Variants in DTNA observed in about 807,000 individuals in gnomAD.
DTNA encodes dystrobrevin alpha, also known as dystrophin-related protein 3.
In DTNA, 43 loss-of-function variants were observed where a neutral mutation model predicts 100.7. The observed-to-expected ratio is 0.43, with a 90% CI of 0.33 to 0.55. The LOEUF (loss-of-function observed/expected upper bound fraction) is 0.55, where lower values mean the gene tolerates loss of function less well. DTNA is among the 20% of genes least tolerant of loss of function. DTNA has a pLI of 0.04. For synonymous variants in DTNA, 349 were observed against 347.9 expected, an observed-to-expected ratio of 1.00 and a Z score of -0.04; for missense variants, 798 against 953.9, an observed-to-expected ratio of 0.84 and a Z score of 2.15.
chr18:34,866,046 A>G, intron 17 of DTNA: 2 of 1,585,288 alleles, frequency 1.3e-6, no homozygotes. Context: ...GTTCCTTCAC[A>G]CTGTGTACAT....
intron 17 of DTNA, among the ~76,000 whole-genome samples, chr18:34,874,769 G>T (rs2096798882): frequency 6.6e-6 from 1 of 152,194 alleles, no homozygotes; most frequent in African/African-American, 2.4e-5. Flanking sequence ...GCACAATATT[G>T]TATGACATGA....
chr18:34,671,697 T>A (rs996744081), intron 1 of DTNA, among the ~76,000 whole-genome samples: 1 of 152,182 alleles, frequency 6.6e-6, no homozygotes, highest in African/African-American at 2.4e-5. Context: ...TCTTTTTTTA[T>A]TTTGCCTTTT....
intron 1 of DTNA, among the ~76,000 whole-genome samples, chr18:34,511,264 A>T (rs2041057300): frequency 6.6e-6 from 1 of 152,106 alleles, no homozygotes; most frequent in Non-Finnish European, 1.5e-5. Flanking sequence ...AAAAATGGTG[A>T]ATATATACTT....
intron 1 of DTNA, among the ~76,000 whole-genome samples, chr18:34,545,081 G>T (rs867133774): frequency 2.0e-5 from 3 of 152,124 alleles, no homozygotes; most frequent in South Asian, 2.1e-4. Flanking sequence ...TCACCGGAGA[G>T]AGACTGATGT....
intron 1 of DTNA, among the ~76,000 whole-genome samples, chr18:34,578,762 C>T (rs974211907): frequency 1.3e-5 from 2 of 152,026 alleles, no homozygotes; most frequent in Non-Finnish European, 1.5e-5. Flanking sequence ...GCTTTGTCAA[C>T]GATCAGTTGG....
At chr18:34,676,852 A>G (rs1282513168) in intron 1 of DTNA, among the ~76,000 whole-genome samples, 2 of 152,162 alleles carry the variant, frequency 1.3e-5, no homozygotes, top group Non-Finnish European at 2.9e-5. Flanking sequence ...GAGGGAGAGA[A>G]TGGAGAAAGG....
chr18:34,856,815 A>G (rs1246475535), intron 15 of DTNA, among the ~76,000 whole-genome samples: 3 of 152,214 alleles, frequency 2.0e-5, no homozygotes, highest in East Asian at 3.8e-4. Context: ...CACGTTACAT[A>G]TCTCTTCTTT....
intron 4 of DTNA, among the ~76,000 whole-genome samples, chr18:34,797,617 C>A (rs1375565249): frequency 6.6e-6 from 1 of 152,074 alleles, no homozygotes; most frequent in Non-Finnish European, 1.5e-5. Context: ...TAATGTTGTT[C>A]TTATTATTTT....
At chr18:34,518,130 A>G (rs1313930524) in intron 1 of DTNA, among the ~76,000 whole-genome samples, 1 of 152,142 alleles carries the variant, frequency 6.6e-6, no homozygotes, top group Admixed American at 6.6e-5. Flanking sequence ...ATTCTGATAC[A>G]TGTGTAGTAA....
At chr18:34,514,603 TATC>T (rs1434556398) in intron 1 of DTNA, among the ~76,000 whole-genome samples, 1 of 151,976 alleles carries the variant, frequency 6.6e-6, no homozygotes, top group Non-Finnish European at 1.5e-5. Flanking sequence ...TATAGCAAAA[TATC>T]ATAAGCTGGT....
Position 34,890,206 on chromosome 18 carries a change from T to G in DTNA, c.*2472T>G. On this transcript the variant is annotated 3_prime_UTR_variant, in exon 23 of 23. Coordinates refer to ENST00000444659, the MANE Select transcript of DTNA (RefSeq NM_001386795.1). The stretch of plus-strand genomic sequence containing the variant: ...TTGCCAACCAACTCCATCACATGGT[T>G]GTTGATATCGTCATATAAAGCCATT... 2 of 1,460,108 alleles carry G rather than the reference T, an allele frequency of 1.4e-6. No homozygotes were observed. The highest frequency in any genetic ancestry group is 1.4e-5 in the African/African-American group (1 of 70,640). 90.4% of individuals were successfully genotyped at this position (1,460,108 alleles called of 1,614,324 possible).
At chr18:34,512,633 AC>A (rs2041204705) in intron 1 of DTNA, among the ~76,000 whole-genome samples, 1 of 151,998 alleles carries the variant, frequency 6.6e-6, no homozygotes, top group South Asian at 2.1e-4. Context: ...TAGGAGTGCA[AC>A]CGTAACTCCA....
chr18:34,890,610 T>C lies in DTNA; in HGVS notation c.*2876T>C. Reference sequence around the variant, plus strand: ...CCAACCCTCCTCCACAGCGCCATATTAATGGAGGAGGGGAGGAAGGTGAAA... The same window carrying C: ...CCAACCCTCCTCCACAGCGCCATATCAATGGAGGAGGGGAGGAAGGTGAAA... On this transcript the variant is annotated 3_prime_UTR_variant, in exon 23 of 23. Coordinates refer to ENST00000444659, the MANE Select transcript of DTNA (RefSeq NM_001386795.1). 9.7e-7 allele frequency: 1 copy of C among 1,026,894 alleles called. No individual in the cohort carries two copies. Among genetic ancestry groups the C allele is most frequent in the South Asian group, 1.8e-5 (1 of 56,146 alleles). 63.6% of individuals were successfully genotyped at this position (1,026,894 alleles called of 1,614,324 possible).
chr18:34,499,434 T>C, intron 1 of DTNA, among the ~76,000 whole-genome samples: 1 of 152,220 alleles, frequency 6.6e-6, no homozygotes, highest in East Asian at 1.9e-4. Context: ...CTACTACAAC[T>C]AAAACTACGA....
At chr18:34,842,988 T>C (rs927116390) in intron 13 of DTNA, among the ~76,000 whole-genome samples, 1 of 152,138 alleles carries the variant, frequency 6.6e-6, no homozygotes, top group African/African-American at 2.4e-5. Context: ...ACCTTATCTC[T>C]GACATCTAGC....
At chr18:34,752,362 C>G (rs2040299) in intron 1 of DTNA, among the ~76,000 whole-genome samples, 11,328 of 152,276 alleles carry the variant, frequency 0.074, 486 homozygotes, top group African/African-American at 0.091. Context: ...ATGCTCTTCT[C>G]TCTTTCAAAG....
chr18:34,585,596 GGAAA>G (rs1302646885), intron 1 of DTNA, among the ~76,000 whole-genome samples: 2 of 152,076 alleles, frequency 1.3e-5, no homozygotes, highest in African/African-American at 4.8e-5. Context: ...CAGGGAGGCA[GGAAA>G]GAAGAAAGAG....
At chr18:34,790,345 G>T (rs1421516367) in intron 3 of DTNA, among the ~76,000 whole-genome samples, 2 of 119,186 alleles carry the variant, frequency 1.7e-5, no homozygotes, top group Non-Finnish European at 3.7e-5. Context: ...GCATGCAAGG[G>T]GTATAAAACC....
intron 3 of DTNA, among the ~76,000 whole-genome samples, chr18:34,787,579 A>T (rs1486224512): frequency 6.6e-6 from 1 of 152,202 alleles, no homozygotes; most frequent in East Asian, 1.9e-4. Context: ...CTCTATCTAG[A>T]TATAACTAGG....
Sources: gnomAD v4.1 joint callset for allele counts (sites outside exome capture counted in the v4.1 genomes callset) on GRCh38, gnomAD v4.1.1 for gene constraint, MANE v1.5 for transcripts, NCBI Gene and HGNC (gene_info 2026-07-23, HGNC 2026-07-21) for gene names.